The following DIAPH2 variants were observed in gnomAD, a reference collection of about 807,000 sequenced individuals.
The protein encoded by DIAPH2 is diaphanous related formin 2.
DIAPH2 carries 35 observed loss-of-function variants against 92.7 expected under a neutral mutation model. The ratio of observed to expected loss-of-function variants is 0.38; its 90% CI spans 0.29 to 0.50. The LOEUF (loss-of-function observed/expected upper bound fraction) is 0.50, where lower values mean the gene tolerates loss of function less well. Ranked by LOEUF, DIAPH2 falls within the 20% of genes least tolerant of loss-of-function variation. The pLI is 0.94. For missense variants in DIAPH2, 701 were observed against 819.5 expected, an observed-to-expected ratio of 0.86 and a Z score of 1.77; for synonymous variants, 301 against 280.4, an observed-to-expected ratio of 1.07 and a Z score of -0.73.
chrX:97,573,012 A>AT (rs1016382472), intron 26 of DIAPH2, among the ~76,000 whole-genome samples: 25 of 110,798 alleles, frequency 2.3e-4, no homozygotes, highest in African/African-American at 5.6e-4. Context: ...CTGTATTGTG[A>AT]TTTTTTTTTA....
At chrX:97,168,187 C>T (rs61202692) in intron 22 of DIAPH2, among the ~76,000 whole-genome samples, 259 of 107,836 alleles carry the variant, frequency 2.4e-3, no homozygotes, top group African/African-American at 8.5e-3. Flanking sequence ...TGGTTTCAAG[C>T]GATTCTCCTA....
chrX:97,505,344 G>A (rs1304510049), intron 26 of DIAPH2, among the ~76,000 whole-genome samples: 1 of 111,804 alleles, frequency 8.9e-6, no homozygotes. Context: ...TGTAATGTAG[G>A]GGAAAAAACC....
chrX:97,443,259 C>A (rs1156233762), intron 26 of DIAPH2, among the ~76,000 whole-genome samples: 1 of 111,883 alleles, frequency 8.9e-6, no homozygotes, highest in African/African-American at 3.2e-5. Context: ...TTTGCATTTG[C>A]AAAATACCTT....
At chrX:96,907,395 C>A (rs2065440274) in intron 5 of DIAPH2, among the ~76,000 whole-genome samples, 1 of 112,262 alleles carries the variant, frequency 8.9e-6, no homozygotes, top group Admixed American at 9.5e-5. Context: ...ATAAACCGTT[C>A]TGTAACACCA....
At chrX:97,143,890 G>A (rs888353319) in intron 22 of DIAPH2, among the ~76,000 whole-genome samples, 3 of 111,884 alleles carry the variant, frequency 2.7e-5, no homozygotes, top group Non-Finnish European at 5.6e-5. Flanking sequence ...AATAAGCCAG[G>A]CACAGATAGA....
At chrX:96,939,619 T>TACACACAC (rs763279889) in intron 12 of DIAPH2, among the ~76,000 whole-genome samples, 5 of 57,622 alleles carry the variant, frequency 8.7e-5, no homozygotes, top group Admixed American at 1.9e-4. Context: ...CACACACATA[T>TACACACAC]ACACACACAC....
intron 26 of DIAPH2, among the ~76,000 whole-genome samples, chrX:97,468,541 G>A (rs771941782): frequency 7.3e-5 from 8 of 109,264 alleles, no homozygotes; most frequent in Non-Finnish European, 1.5e-4. Flanking sequence ...ATTGTCAAGC[G>A]TGTATTGTTT....
chrX:96,767,404 A>C (rs994147947), intron 4 of DIAPH2, among the ~76,000 whole-genome samples: 8 of 110,969 alleles, frequency 7.2e-5, no homozygotes, highest in Non-Finnish European at 1.9e-5. Context: ...TGGATAATTT[A>C]CTTCTCTGAA....
intron 4 of DIAPH2, among the ~76,000 whole-genome samples, chrX:96,765,472 T>A (rs981369971): frequency 7.3e-4 from 81 of 111,610 alleles, no homozygotes; most frequent in African/African-American, 2.5e-3. Context: ...GTGCTGAGAT[T>A]ACAGGCGTGA....
intron 4 of DIAPH2, among the ~76,000 whole-genome samples, chrX:96,811,122 T>A (rs938147518): frequency 8.9e-6 from 1 of 112,138 alleles, no homozygotes; most frequent in African/African-American, 3.2e-5. Flanking sequence ...ATGGCCATTT[T>A]CATGATATTG....
At chrX:97,235,348 G>A (rs1397585885) in intron 22 of DIAPH2, among the ~76,000 whole-genome samples, 1 of 111,614 alleles carries the variant, frequency 9.0e-6, no homozygotes, top group Non-Finnish European at 1.9e-5. Context: ...GCTCATGCCT[G>A]TAATCCCAAC....
intron 4 of DIAPH2, among the ~76,000 whole-genome samples, chrX:96,869,915 G>A (rs1157336635): frequency 9.0e-6 from 1 of 110,705 alleles, no homozygotes; most frequent in African/African-American, 3.3e-5. Context: ...AGGAAGTCAA[G>A]TAATCACTTG....
At chrX:96,734,911 A>G (rs979223885) in intron 1 of DIAPH2, among the ~76,000 whole-genome samples, 2 of 111,134 alleles carry the variant, frequency 1.8e-5, no homozygotes, top group African/African-American at 6.5e-5. Flanking sequence ...GTTGTAAGAA[A>G]TAAATGTATA....
At chrX:96,698,818 C>T (rs1175885287) in intron 1 of DIAPH2, among the ~76,000 whole-genome samples, 1 of 108,206 alleles carries the variant, frequency 9.2e-6, no homozygotes, top group Non-Finnish European at 1.9e-5. Flanking sequence ...AACTCAAACT[C>T]CTGGGTTCAG....
intron 1 of DIAPH2, among the ~76,000 whole-genome samples, chrX:96,713,477 A>G (rs1365870774): frequency 2.7e-5 from 3 of 111,650 alleles, no homozygotes; most frequent in African/African-American, 6.5e-5. Context: ...GTTGCAGTCA[A>G]GGAACTTATG....
At position 96,958,035 on chromosome X, in the gene DIAPH2, C is replaced by A. The variant is rs140358965; in HGVS notation, c.1822C>A (p.Pro608Thr). The A allele has an allele frequency of 2.1e-5, 25 of 1,209,753 alleles. No individual in the cohort carries two copies. The African/African-American group carries it at 3.5e-4, about 17-fold the overall frequency. The change falls in exon 16 of 27, where the codon CCC becomes ACC. Residue 608 changes from proline to threonine, a missense_variant. Pro to Thr is a conservative substitution (Grantham distance 38, BLOSUM62 -1). Around this residue, in one of 3 missense-constraint regions of DIAPH2, gnomAD observed 536 missense variants for 599.3 expected, o/e 0.89. Transcript: ENST00000324765. ...ATTTGGGGGACCTCCTCCACCACCA[C>A]CCCTTGGAGGAGTTCCTCCTCCCCC... ...LLFGGPPPPP[P>T]LGGVPPPPGI...
At chrX:97,552,990 A>G (rs1175374230) in intron 26 of DIAPH2, among the ~76,000 whole-genome samples, 1 of 111,848 alleles carries the variant, frequency 8.9e-6, no homozygotes, top group East Asian at 2.8e-4. Context: ...TAAGGACACC[A>G]GTCAGATTTA....
Position 97,514,770 on chromosome X carries a change from T to A in DIAPH2, c.3242-84483T>A, listed in dbSNP as rs191169342. ...GCAGGTCTGTTGGAGTACCCTGCAG[T>A]GTGTGGTGTCAGTGTGCCCCTGCTG... On this transcript the variant is annotated intron_variant, in intron 26 of 26. Coordinates refer to ENST00000324765, the MANE Select transcript of DIAPH2 (RefSeq NM_006729.5). Among the ~76,000 whole-genome samples, 365 of 108,038 alleles carry A rather than the reference T, an allele frequency of 3.4e-3. 2 individuals are homozygous for A. Among genetic ancestry groups the A allele is most frequent in the African/African-American group, 0.011 (343 of 30,293 alleles). 93.8% of individuals were successfully genotyped at this position (108,038 alleles called of 115,157 possible). A position where few individuals can be genotyped will look rare whatever the true frequency, so the allele number is the denominator to read the frequency against.
intron 24 of DIAPH2, among the ~76,000 whole-genome samples, chrX:97,358,238 TG>T (rs1391398613): frequency 8.9e-6 from 1 of 111,917 alleles, no homozygotes; most frequent in Non-Finnish European, 1.9e-5. Flanking sequence ...CTGACTTGCC[TG>T]GTGTTAATTT....
Sources: gnomAD v4.1 joint callset for allele counts (sites outside exome capture counted in the v4.1 genomes callset) on GRCh38, gnomAD v4.1.1 for gene constraint, gnomAD v4.1.1 regional missense constraint, MANE v1.5 for transcripts, NCBI Gene and HGNC (gene_info 2026-07-23, HGNC 2026-07-21) for gene names.